SPATA17: variants seen among roughly 807,000 people sequenced by gnomAD.
SPATA17 encodes the protein spermatogenesis-associated protein 17.
SPATA17 carries 53 observed loss-of-function variants against 62.2 expected under a neutral mutation model. That is an observed-to-expected ratio of 0.85 (90% confidence interval 0.68 to 1.07). The LOEUF (loss-of-function observed/expected upper bound fraction) is 1.07, where lower values mean the gene tolerates loss of function less well. Ranked by LOEUF, SPATA17 falls within the 50% of genes least tolerant of loss-of-function variation. SPATA17 has a pLI of 0.00. For synonymous variants in SPATA17, 146 were observed against 146.8 expected (o/e 0.99, Z 0.04); for missense variants, 466 against 425.5 (o/e 1.10, Z -0.84).
chr1:217,664,083 G>C (rs10495066), intron 3 of SPATA17, among the ~76,000 whole-genome samples: 1 of 151,652 alleles, frequency 6.6e-6, no homozygotes, highest in Non-Finnish European at 1.5e-5. Flanking sequence ...GCTTAAAACA[G>C]TAGGTGGAAC....
At chr1:217,707,512 A>G (rs993436376) in intron 5 of SPATA17, among the ~76,000 whole-genome samples, 1 of 152,140 alleles carries the variant, frequency 6.6e-6, no homozygotes, top group African/African-American at 2.4e-5. Context: ...CTATTTCTCA[A>G]GGGGAATTGC....
At chr1:217,813,033 G>A (rs890426088) in intron 9 of SPATA17, among the ~76,000 whole-genome samples, 1 of 152,124 alleles carries the variant, frequency 6.6e-6, no homozygotes, top group African/African-American at 2.4e-5. Context: ...TCCTAAACAG[G>A]ATTTTATAAG....
At chr1:217,850,363 A>G (rs1013866602) in intron 9 of SPATA17, 1 of 782,344 alleles carries the variant, frequency 1.3e-6, no homozygotes, top group Non-Finnish European at 2.1e-6. Flanking sequence ...GTGCAGTGTA[A>G]TGCCATCACT....
intron 5 of SPATA17, among the ~76,000 whole-genome samples, chr1:217,718,968 TCATGAAA>T (rs1254458909): frequency 6.6e-6 from 1 of 152,220 alleles, no homozygotes; most frequent in East Asian, 1.9e-4. Flanking sequence ...GGTCACTTGC[TCATGAAA>T]CTGACCACGA....
rs1672095919 is a variant in SPATA17 at position 217,720,338 on chromosome 1, C to G, written c.396-21637C>G. 2.6e-5 allele frequency among the ~76,000 whole-genome samples: 4 copies of G among 152,098 alleles called. 1 individual carries two copies. In the South Asian group the frequency reaches 8.3e-4, roughly 32 times the overall value. ...AGATTTGATCACTCAATGTTCATTCCAACACTGCAACTTAACTCATGTTAT... is the reference window on the plus strand; with the variant it reads ...AGATTTGATCACTCAATGTTCATTCGAACACTGCAACTTAACTCATGTTAT... On this transcript the variant is annotated intron_variant, in intron 5 of 10. Coordinates refer to ENST00000366933, the MANE Select transcript of SPATA17 (RefSeq NM_138796.4).
At chr1:217,817,300 T>C (rs144090322) in intron 9 of SPATA17, among the ~76,000 whole-genome samples, 1 of 152,140 alleles carries the variant, frequency 6.6e-6, no homozygotes, top group East Asian at 1.9e-4. Context: ...CTGGAGGTAA[T>C]TGAATCAAGG....
chr1:217,752,070 G>T (rs948485675), intron 6 of SPATA17, among the ~76,000 whole-genome samples: 2 of 152,090 alleles, frequency 1.3e-5, no homozygotes, highest in African/African-American at 2.4e-5. Context: ...ACAGAGTCTC[G>T]CTCTGTCACT....
chr1:217,709,760 A>G (rs1315859335), intron 5 of SPATA17, among the ~76,000 whole-genome samples: 2 of 152,098 alleles, frequency 1.3e-5, no homozygotes, highest in Non-Finnish European at 2.9e-5. Context: ...TATTTCAAAA[A>G]CCATGTTGAT....
intron 3 of SPATA17, among the ~76,000 whole-genome samples, chr1:217,652,651 T>G (rs1418662497): frequency 6.6e-6 from 1 of 152,186 alleles, no homozygotes; most frequent in Non-Finnish European, 1.5e-5. Context: ...GCTTAACATT[T>G]TGGAAAGGAA....
chr1:217,765,624 C>T (rs1253448803), intron 6 of SPATA17, among the ~76,000 whole-genome samples: 1 of 151,856 alleles, frequency 6.6e-6, no homozygotes, highest in East Asian at 1.9e-4. Flanking sequence ...TCTCAGCATA[C>T]TTTGTCTGAT....
chr1:217,711,353 C>A (rs897457858), intron 5 of SPATA17, among the ~76,000 whole-genome samples: 1 of 152,108 alleles, frequency 6.6e-6, no homozygotes, highest in Non-Finnish European at 1.5e-5. Flanking sequence ...CCTGTGTTCA[C>A]GTACAAGTTT....
intron 10 of SPATA17, among the ~76,000 whole-genome samples, chr1:217,864,323 TGTTA>T (rs1359431043): frequency 6.6e-6 from 1 of 152,178 alleles, no homozygotes; most frequent in Non-Finnish European, 1.5e-5. Context: ...CATTAATATA[TGTTA>T]GTTAAATAAT....
chr1:217,863,183 C>T (rs192090265), intron 10 of SPATA17, among the ~76,000 whole-genome samples: 38 of 137,496 alleles, frequency 2.8e-4, no homozygotes, highest in African/African-American at 8.1e-4. Flanking sequence ...AATGCAGTGG[C>T]GTGATCTTGG....
At chr1:217,714,839 T>C (rs1340571456) in intron 5 of SPATA17, among the ~76,000 whole-genome samples, 1 of 152,164 alleles carries the variant, frequency 6.6e-6, no homozygotes, top group African/African-American at 2.4e-5. Flanking sequence ...ACTTGTACTC[T>C]GACAGAAGGA....
chr1:217,749,975 C>A (rs4313455), intron 6 of SPATA17, among the ~76,000 whole-genome samples: 771 of 38,932 alleles, frequency 0.02, 3 homozygotes, highest in Middle Eastern at 0.029. Context: ...CTCTCTCTCT[C>A]TCTCTCTCTC....
intron 4 of SPATA17, among the ~76,000 whole-genome samples, chr1:217,671,334 A>G (rs932260533): frequency 2.0e-5 from 3 of 152,202 alleles, no homozygotes; most frequent in African/African-American, 4.8e-5. Context: ...TCTCTGATCT[A>G]CTATTCAGTC....
intron 6 of SPATA17, among the ~76,000 whole-genome samples, chr1:217,749,834 C>T (rs546740606): frequency 6.6e-6 from 1 of 150,822 alleles, no homozygotes; most frequent in East Asian, 1.9e-4. Flanking sequence ...ATTCAAAATT[C>T]TTTACAATCT....
At chr1:217,718,741 T>C (rs561234787) in intron 5 of SPATA17, among the ~76,000 whole-genome samples, 1 of 152,200 alleles carries the variant, frequency 6.6e-6, no homozygotes, top group African/African-American at 2.4e-5. Context: ...AATCTTATTA[T>C]GTTTAAAGAA....
In SPATA17 at chr1:217,850,474, C is replaced by T. The variant is rs539517802; in HGVS notation, c.1006-12300C>T. 9 of 1,303,078 alleles carry T rather than the reference C, an allele frequency of 6.9e-6. No individual in the cohort carries two copies. In the Admixed American group the frequency reaches 9.1e-5, roughly 13 times the overall value. 80.7% of individuals were successfully genotyped at this position (1,303,078 alleles called of 1,614,324 possible). On this transcript the variant is annotated intron_variant, in intron 9 of 10. Coordinates refer to ENST00000366933, the MANE Select transcript of SPATA17 (RefSeq NM_138796.4). ...CTGGATGTTGTAGTCAGAAAGAGTA[C>T]AGCCTCTTCTAGCTGCATGCCTGCA...
Sources: gnomAD v4.1 joint callset for allele counts (sites outside exome capture counted in the v4.1 genomes callset) on GRCh38, gnomAD v4.1.1 for gene constraint, MANE v1.5 for transcripts, NCBI Gene and HGNC (gene_info 2026-07-23, HGNC 2026-07-21) for gene names.